The following PDE1C variants were observed in gnomAD, a reference collection of about 807,000 sequenced individuals.
PDE1C encodes the protein phosphodiesterase 1C, also known as dual specificity calcium/calmodulin-dependent 3',5'-cyclic nucleotide phosphodiesterase 1C.
Under a neutral mutation model 93.1 loss-of-function variants are expected in PDE1C, and 62 were observed. The ratio of observed to expected loss-of-function variants is 0.67; its 90% CI spans 0.54 to 0.82. The LOEUF is 0.82. PDE1C is among the 40% of genes least tolerant of loss of function. The pLI is 0.00. For synonymous variants in PDE1C, 325 were observed against 310.1 expected, an observed-to-expected ratio of 1.05 and a Z score of -0.50; for missense variants, 742 against 884.6, an observed-to-expected ratio of 0.84 and a Z score of 2.04.
chr7:32,221,365 C>T (rs1338272376), intron 1 of PDE1C, among the ~76,000 whole-genome samples: 1 of 152,164 alleles, frequency 6.6e-6, no homozygotes, highest in African/African-American at 2.4e-5. Flanking sequence ...GTGGAAGGCA[C>T]CTAGGAGCCA....
chr7:32,330,679 G>C (rs1783495087), intron 1 of PDE1C, among the ~76,000 whole-genome samples: 1 of 152,164 alleles, frequency 6.6e-6, no homozygotes, highest in Admixed American at 6.5e-5. Context: ...GCCAAGGCCT[G>C]TTCCCGAGCC....
chr7:32,070,463 C>T (rs1795911280), upstream of PDE1C: 2 of 1,585,360 alleles, frequency 1.3e-6, no homozygotes, highest in Non-Finnish European at 1.7e-6. Context: ...GTCTCCTCGC[C>T]CAGCTCGCGA....
At chr7:32,071,504 ACCC>A (rs1338324183), upstream of PDE1C, 7 of 640,320 alleles carry the variant, frequency 1.1e-5, no homozygotes, top group African/African-American at 6.9e-5. Context: ...TCACCCCCCC[ACCC>A]CCATCTCTCT....
At chr7:32,295,893 CAAAAAA>C (rs147462417) in intron 1 of PDE1C, among the ~76,000 whole-genome samples, 6 of 85,122 alleles carry the variant, frequency 7.0e-5, no homozygotes, top group African/African-American at 2.7e-4. Flanking sequence ...GACTCTGTCT[CAAAAAA>C]AAAAAAAAAA....
intron 15 of PDE1C, among the ~76,000 whole-genome samples, chr7:31,814,284 A>C (rs952198843): frequency 6.6e-6 from 1 of 152,194 alleles, no homozygotes; most frequent in Non-Finnish European, 1.5e-5. Flanking sequence ...GTTTGGGTAC[A>C]TGAAAAATTC....
At chr7:31,690,495 G>T in the PDE1C span, among the ~76,000 whole-genome samples, 3 of 152,222 alleles carry the variant, frequency 2.0e-5, no homozygotes, top group African/African-American at 7.2e-5. Context: ...AACTTGTGTG[G>T]AGAGGGGGCA....
intron 3 of PDE1C, among the ~76,000 whole-genome samples, chr7:32,091,453 A>G (rs144853083): frequency 2.0e-4 from 30 of 152,316 alleles, no homozygotes; most frequent in African/African-American, 6.5e-4. Context: ...AATATTCATC[A>G]GGGTGGTTAG....
At chr7:32,201,992 C>T (rs35632005) in intron 2 of PDE1C, among the ~76,000 whole-genome samples, 9,165 of 152,200 alleles carry the variant, frequency 0.06, 526 homozygotes, top group East Asian at 0.35. Flanking sequence ...AAGCAATCGA[C>T]AGAGGTAGGA....
At chr7:31,707,404 C>A in the PDE1C span, 1 of 775,302 alleles carries the variant, frequency 1.3e-6, no homozygotes, top group Non-Finnish European at 2.1e-6. Context: ...GATTCAGACA[C>A]CTTCTCCCCA....
intron 6 of PDE1C, among the ~76,000 whole-genome samples, chr7:31,867,977 T>C (rs1376184462): frequency 6.6e-6 from 1 of 152,218 alleles, no homozygotes; most frequent in East Asian, 1.9e-4. Flanking sequence ...ACTGCACTAC[T>C]ACACACAGCC....
At chr7:32,003,028 C>T (rs1785683151) in intron 2 of PDE1C, among the ~76,000 whole-genome samples, 2 of 152,158 alleles carry the variant, frequency 1.3e-5, no homozygotes, top group African/African-American at 4.8e-5. Context: ...ATATACTAAA[C>T]CATCAGCACT....
At chr7:32,140,235 G>A (rs1800438104) in intron 3 of PDE1C, among the ~76,000 whole-genome samples, 1 of 152,148 alleles carries the variant, frequency 6.6e-6, no homozygotes, top group Non-Finnish European at 1.5e-5. Context: ...AGAAATCTGA[G>A]GCTCAAGCAA....
intron 2 of PDE1C, among the ~76,000 whole-genome samples, chr7:32,012,539 T>C (rs1207341812): frequency 6.6e-6 from 1 of 152,160 alleles, no homozygotes; most frequent in Non-Finnish European, 1.5e-5. Context: ...AATCTGTGTA[T>C]GTAAAATTCT....
At chr7:31,951,346 G>C (rs1394406146) in intron 2 of PDE1C, among the ~76,000 whole-genome samples, 1 of 152,092 alleles carries the variant, frequency 6.6e-6, no homozygotes, top group African/African-American at 2.4e-5. Flanking sequence ...TCTACAAATA[G>C]ACTCAAAGAA....
intron 1 of PDE1C, among the ~76,000 whole-genome samples, chr7:32,279,663 A>G (rs1811500999): frequency 6.6e-6 from 1 of 152,154 alleles, no homozygotes; most frequent in South Asian, 2.1e-4. Flanking sequence ...AAGAAAACAT[A>G]AAGGAAAGAG....
intron 1 of PDE1C, among the ~76,000 whole-genome samples, chr7:32,344,309 C>G (rs908341487): frequency 6.6e-6 from 1 of 152,166 alleles, no homozygotes; most frequent in African/African-American, 2.4e-5. Flanking sequence ...CTCATGGCCT[C>G]AAGGGATCCT....
chr7:31,999,457 C>A (rs1016117877), intron 2 of PDE1C, among the ~76,000 whole-genome samples: 1 of 152,098 alleles, frequency 6.6e-6, no homozygotes, highest in Non-Finnish European at 1.5e-5. Flanking sequence ...GGGAACTGTG[C>A]AAAACCATGC....
chr7:31,627,530 C>T, the PDE1C span, among the ~76,000 whole-genome samples: 1 of 151,976 alleles, frequency 6.6e-6, no homozygotes, highest in African/African-American at 2.4e-5. Context: ...GGATGGTGCA[C>T]ACCTGTAGTC....
chr7:31,870,068 T>A lies in PDE1C; in HGVS notation c.609+3224A>T, dbSNP rs552766101. Among the ~76,000 whole-genome samples, 4 of 151,862 alleles carry A rather than the reference T, an allele frequency of 2.6e-5. No homozygotes were observed. The South Asian group carries it at 8.3e-4, about 32-fold the overall frequency. ...AAAATATTTTTAAGGCAAATGAAAA[T>A]CTAAACATATCAAATGCTATGGAAT... On this transcript the variant is annotated intron_variant, in intron 6 of 17. Transcript: ENST00000396191.
Sources: gnomAD v4.1 joint callset for allele counts (sites outside exome capture counted in the v4.1 genomes callset) on GRCh38, gnomAD v4.1.1 for gene constraint, MANE v1.5 for transcripts, NCBI Gene and HGNC (gene_info 2026-07-23, HGNC 2026-07-21) for gene names.